Variants in EEFSEC observed in about 807,000 individuals in gnomAD.
EEFSEC encodes eukaryotic elongation factor, selenocysteine-tRNA specific, also known as selenocysteine-specific elongation factor.
In EEFSEC, 43 loss-of-function variants were observed where a neutral mutation model predicts 42.1. The ratio of observed to expected loss-of-function variants is 1.02; its 90% CI spans 0.80 to 1.32. EEFSEC has a LOEUF of 1.32. Among genes scored for constraint, EEFSEC ranks in the 40% most tolerant of loss-of-function variants. The pLI is 0.00. For missense variants in EEFSEC, 745 were observed against 803.6 expected (o/e 0.93, Z 0.88); for synonymous variants, 354 against 339.1 (o/e 1.04, Z -0.48).
intron 1 of EEFSEC, among the ~76,000 whole-genome samples, chr3:128,189,558 CTTTT>C (rs3037702): frequency 2.2e-5 from 3 of 137,142 alleles, no homozygotes; most frequent in Non-Finnish European, 3.1e-5. Context: ...GACTTCTTTT[CTTTT>C]TTTTTTTTTT....
At chr3:128,191,832 A>G (rs1019956850) in intron 1 of EEFSEC, among the ~76,000 whole-genome samples, 3 of 152,110 alleles carry the variant, frequency 2.0e-5, no homozygotes, top group African/African-American at 7.2e-5. Context: ...ATATCGATAG[A>G]CCACATTTTG....
At chr3:128,272,782 C>A (rs2066428031) in intron 4 of EEFSEC, among the ~76,000 whole-genome samples, 1 of 152,122 alleles carries the variant, frequency 6.6e-6, no homozygotes, top group Non-Finnish European at 1.5e-5. Flanking sequence ...GTTACATGTC[C>A]ACCCCTGGAG....
At chr3:128,358,658 C>G (rs1315711922) in intron 6 of EEFSEC, among the ~76,000 whole-genome samples, 1 of 152,192 alleles carries the variant, frequency 6.6e-6, no homozygotes, top group East Asian at 1.9e-4. Context: ...GGGCCCGCAC[C>G]TTGGTTTCTC....
At chr3:128,155,988 A>C (rs765731837) in intron 1 of EEFSEC, among the ~76,000 whole-genome samples, 13 of 152,196 alleles carry the variant, frequency 8.5e-5, no homozygotes, top group Non-Finnish European at 1.8e-4. Flanking sequence ...CTGTTTGGTC[A>C]CATCAAAGTA....
At chr3:128,171,311 T>C (rs1490484050) in intron 1 of EEFSEC, among the ~76,000 whole-genome samples, 1 of 152,198 alleles carries the variant, frequency 6.6e-6, no homozygotes, top group Non-Finnish European at 1.5e-5. Flanking sequence ...CTTTTTTCCT[T>C]AAAAAGAAAA....
intron 6 of EEFSEC, among the ~76,000 whole-genome samples, chr3:128,403,202 CAG>C (rs1296630227): frequency 6.6e-6 from 1 of 152,138 alleles, no homozygotes; most frequent in East Asian, 1.9e-4. Flanking sequence ...GGCCCCGAGG[CAG>C]AGACAGGCCA....
At chr3:128,291,843 A>G (rs749890157) in intron 4 of EEFSEC, among the ~76,000 whole-genome samples, 14 of 152,222 alleles carry the variant, frequency 9.2e-5, no homozygotes, top group African/African-American at 1.7e-4. Flanking sequence ...GTGAGAACAG[A>G]TATCTTTACC....
intron 4 of EEFSEC, among the ~76,000 whole-genome samples, chr3:128,305,635 T>C (rs188421626): frequency 6.6e-6 from 1 of 152,334 alleles, no homozygotes; most frequent in African/African-American, 2.4e-5. Context: ...CAAATTCATT[T>C]GTATCTAGTT....
intron 1 of EEFSEC, among the ~76,000 whole-genome samples, chr3:128,237,850 C>A (rs553985695): frequency 6.6e-6 from 1 of 152,284 alleles, no homozygotes; most frequent in East Asian, 1.9e-4. Context: ...TCCTTTGGCT[C>A]CCTCCTGCAG....
chr3:128,322,210 C>G (rs2737772), intron 4 of EEFSEC, among the ~76,000 whole-genome samples: 4,693 of 152,310 alleles, frequency 0.031, 228 homozygotes, highest in African/African-American at 0.1. Context: ...CATGACGGCC[C>G]GTCCAGGTTC....
chr3:128,366,188 TC>T (rs1433362577), intron 6 of EEFSEC, among the ~76,000 whole-genome samples: 2 of 152,116 alleles, frequency 1.3e-5, no homozygotes, highest in African/African-American at 4.8e-5. Context: ...GTTGGTGAGG[TC>T]CCAGGCAAGT....
At chr3:128,418,636 C>T in the EEFSEC span, among the ~76,000 whole-genome samples, 813 of 151,304 alleles carry the variant, frequency 5.4e-3, 3 homozygotes, top group Non-Finnish European at 0.01. Flanking sequence ...ACTCTGCTCA[C>T]ACCCCAACTC....
At chr3:128,249,357 T>C (rs1158737238) in intron 2 of EEFSEC, among the ~76,000 whole-genome samples, 1 of 152,228 alleles carries the variant, frequency 6.6e-6, no homozygotes, top group Non-Finnish European at 1.5e-5. Flanking sequence ...GATTTTTTCA[T>C]TTCTTTTTTC....
intron 4 of EEFSEC, among the ~76,000 whole-genome samples, chr3:128,293,804 G>A (rs985376597): frequency 1.3e-5 from 2 of 152,102 alleles, no homozygotes; most frequent in East Asian, 3.8e-4. Context: ...ACCTTTCTGA[G>A]CCTTAGTTAA....
the EEFSEC span, among the ~76,000 whole-genome samples, chr3:128,420,952 C>T: frequency 6.6e-6 from 1 of 152,140 alleles, no homozygotes; most frequent in Non-Finnish European, 1.5e-5. Flanking sequence ...GACCCACCAC[C>T]TCTCGGGACA....
chr3:128,373,555 A>G (rs939647554), intron 6 of EEFSEC, among the ~76,000 whole-genome samples: 1 of 152,150 alleles, frequency 6.6e-6, no homozygotes, highest in African/African-American at 2.4e-5. Flanking sequence ...AGCAGCAGCG[A>G]GCCTTTGGTT....
At chr3:128,299,548 T>C (rs1229127088) in intron 4 of EEFSEC, among the ~76,000 whole-genome samples, 1 of 152,226 alleles carries the variant, frequency 6.6e-6, no homozygotes, top group Non-Finnish European at 1.5e-5. Flanking sequence ...GCTTGTAGCA[T>C]GTGCTCAGGA....
intron 4 of EEFSEC, among the ~76,000 whole-genome samples, chr3:128,265,362 G>C (rs1300720456): frequency 2.6e-5 from 4 of 152,154 alleles, no homozygotes; most frequent in Non-Finnish European, 5.9e-5. Flanking sequence ...TGAGTGGTTG[G>C]TGCCTTCCCA....
rs550396626 is a variant in EEFSEC at position 128,190,021 on chromosome 3, C to A, written c.316+36198C>A. ...GGGACTACAGGTGCATGCTGCCATGCCTGGCAAATTTTCTGTATTTTAGTA... is the reference window on the plus strand; with the variant it reads ...GGGACTACAGGTGCATGCTGCCATGACTGGCAAATTTTCTGTATTTTAGTA... On this transcript the variant is annotated intron_variant, in intron 1 of 6. Transcript: ENST00000254730. 8.5e-5 allele frequency among the ~76,000 whole-genome samples: 13 copies of A among 152,272 alleles called. No homozygotes were observed. The South Asian group carries it at 1.7e-3, about 19-fold the overall frequency.
Sources: allele counts gnomAD v4.1 joint callset (sites outside exome capture counted in the v4.1 genomes callset), GRCh38; gene constraint gnomAD v4.1.1; transcripts MANE v1.5; gene names NCBI Gene and HGNC (gene_info 2026-07-23, HGNC 2026-07-21).